NFIB: variants seen among roughly 807,000 people sequenced by gnomAD.
NFIB encodes the protein nuclear factor I B.
NFIB carries 11 observed loss-of-function variants against 61.5 expected under a neutral mutation model. The observed-to-expected ratio is 0.18, with a 90% CI of 0.11 to 0.30. The LOEUF is 0.30. Among genes scored for constraint, NFIB ranks in the 10% least tolerant of loss-of-function variants. The pLI, the probability that NFIB is intolerant of heterozygous loss-of-function variation, is 1.00. For synonymous variants in NFIB, 260 were observed against 216.5 expected (o/e 1.20, Z -1.76); for missense variants, 471 against 608.9 (o/e 0.77, Z 2.38).
chr9:14,387,837 A>G (rs2133021316), intron 1 of NFIB, among the ~76,000 whole-genome samples: 1 of 152,300 alleles, frequency 6.6e-6, no homozygotes, highest in South Asian at 2.1e-4. Context: ...TTTCCCCATT[A>G]TGACACACAT....
At chr9:14,455,911 G>A in the NFIB span, among the ~76,000 whole-genome samples, 10 of 152,100 alleles carry the variant, frequency 6.6e-5, no homozygotes. Context: ...GCAGATCAAT[G>A]GGAGAGTTTT....
chr9:14,411,664 T>C, the NFIB span, among the ~76,000 whole-genome samples: 1 of 152,160 alleles, frequency 6.6e-6, no homozygotes, highest in Non-Finnish European at 1.5e-5. Context: ...TCGTTTCTGT[T>C]GGGGTCCTTC....
the NFIB span, among the ~76,000 whole-genome samples, chr9:14,449,009 G>A: frequency 6.6e-6 from 1 of 152,154 alleles, no homozygotes; most frequent in Non-Finnish European, 1.5e-5. Context: ...TGAAGAAAAG[G>A]AAGTTGCTGG....
chr9:14,164,520 C>T (rs1444339563), intron 3 of NFIB, among the ~76,000 whole-genome samples: 1 of 152,136 alleles, frequency 6.6e-6, no homozygotes, highest in Non-Finnish European at 1.5e-5. Context: ...TATGGGACCA[C>T]TGCCATATGT....
chr9:14,240,054 A>G (rs1385145054), intron 2 of NFIB, among the ~76,000 whole-genome samples: 2 of 152,162 alleles, frequency 1.3e-5, no homozygotes, highest in Non-Finnish European at 2.9e-5. Flanking sequence ...CTTAAAGTCC[A>G]TTACTCTTGA....
At chr9:14,238,331 A>C (rs2054008597) in intron 2 of NFIB, among the ~76,000 whole-genome samples, 1 of 152,180 alleles carries the variant, frequency 6.6e-6, no homozygotes, top group African/African-American at 2.4e-5. Context: ...GGAAGTCACC[A>C]CTAAAAGTAG....
intron 2 of NFIB, among the ~76,000 whole-genome samples, chr9:14,217,223 T>C (rs911233740): frequency 6.6e-6 from 1 of 152,232 alleles, no homozygotes; most frequent in Non-Finnish European, 1.5e-5. Flanking sequence ...ATATGTTATA[T>C]GCAACTCACA....
At chr9:14,350,712 G>A (rs2061098483) in intron 1 of NFIB, among the ~76,000 whole-genome samples, 2 of 152,184 alleles carry the variant, frequency 1.3e-5, no homozygotes, top group Non-Finnish European at 2.9e-5. Context: ...TGTAAATGCA[G>A]ATACCTTATG....
chr9:14,364,464 A>C (rs1007820522), intron 1 of NFIB, among the ~76,000 whole-genome samples: 1 of 152,214 alleles, frequency 6.6e-6, no homozygotes, highest in South Asian at 2.1e-4. Context: ...TATTAGAAAC[A>C]ATTTGTCTCT....
chr9:14,199,458 A>C (rs1462891147), intron 2 of NFIB, among the ~76,000 whole-genome samples: 5 of 152,224 alleles, frequency 3.3e-5, no homozygotes, highest in African/African-American at 1.2e-4. Context: ...GCCAGACCCT[A>C]ATCTACTTAA....
intron 2 of NFIB, among the ~76,000 whole-genome samples, chr9:14,250,803 T>C (rs1413810389): frequency 1.3e-5 from 2 of 152,218 alleles, no homozygotes; most frequent in Non-Finnish European, 2.9e-5. Context: ...CCTTTTCTAG[T>C]AAAAGATAAC....
At chr9:14,385,321 G>C (rs902771850) in intron 1 of NFIB, among the ~76,000 whole-genome samples, 1 of 152,108 alleles carries the variant, frequency 6.6e-6, no homozygotes, top group African/African-American at 2.4e-5. Flanking sequence ...CAAACCTTGT[G>C]GATATCACTA....
intron 3 of NFIB, among the ~76,000 whole-genome samples, chr9:14,165,875 T>G (rs1298726242): frequency 6.6e-6 from 1 of 152,176 alleles, no homozygotes; most frequent in African/African-American, 2.4e-5. Flanking sequence ...AGAGCTGTTA[T>G]TTAACAGGTA....
chr9:14,138,585 A>C (rs1382650517), intron 6 of NFIB, among the ~76,000 whole-genome samples: 2 of 152,220 alleles, frequency 1.3e-5, no homozygotes, highest in East Asian at 3.9e-4. Context: ...AAATATTCAG[A>C]TCTATTTACA....
chr9:14,328,119 C>A (rs1023768780), intron 1 of NFIB, among the ~76,000 whole-genome samples: 1 of 152,124 alleles, frequency 6.6e-6, no homozygotes, highest in African/African-American at 2.4e-5. Flanking sequence ...TTTTTCTCTT[C>A]ATATCTGGCA....
chr9:14,278,395 C>G (rs1263523824), intron 2 of NFIB, among the ~76,000 whole-genome samples: 1 of 152,210 alleles, frequency 6.6e-6, no homozygotes, highest in Non-Finnish European at 1.5e-5. Context: ...TTTGTCATAA[C>G]ATTCCTAACA....
chr9:14,339,451 C>A (rs1311288705), intron 1 of NFIB, among the ~76,000 whole-genome samples: 2 of 152,064 alleles, frequency 1.3e-5, no homozygotes, highest in African/African-American at 2.4e-5. Context: ...CCCGTTGTTT[C>A]CCCCTTAAAC....
intron 2 of NFIB, among the ~76,000 whole-genome samples, chr9:14,189,903 TCA>T (rs2047761056): frequency 6.6e-6 from 1 of 151,960 alleles, no homozygotes; most frequent in Non-Finnish European, 1.5e-5. Flanking sequence ...ATCATAACTT[TCA>T]GTTTTTGATT....
At position 14,155,494 on chromosome 9, in the gene NFIB, A is replaced by G. The variant is rs550612199; in HGVS notation, c.685+331T>C. On this transcript the variant is annotated intron_variant, in intron 4 of 10. Coordinates refer to ENST00000380953, the MANE Select transcript of NFIB (RefSeq NM_001190737.2). ...ACAGGAAACTTATGTGGGTTATCAT[A>G]ACAACATAGAGTACATTTAATTAAT... Among the ~76,000 whole-genome samples, 3 of 152,322 alleles carry G rather than the reference A, an allele frequency of 2.0e-5. No homozygotes were observed. In the South Asian group the frequency reaches 6.2e-4, roughly 32 times the overall value.
Sources: allele counts gnomAD v4.1 joint callset (sites outside exome capture counted in the v4.1 genomes callset), GRCh38; gene constraint gnomAD v4.1.1; transcripts MANE v1.5; gene names NCBI Gene and HGNC (gene_info 2026-07-23, HGNC 2026-07-21).